The following IFT81 variants were observed in gnomAD, a reference collection of about 807,000 sequenced individuals.
IFT81 encodes the protein intraflagellar transport 81.
A neutral mutation model predicts 102.6 loss-of-function variants in IFT81; 72 were observed. That is an observed-to-expected ratio of 0.70 (90% CI 0.58 to 0.85). The LOEUF (loss-of-function observed/expected upper bound fraction) is 0.85. IFT81 is among the 40% of genes least tolerant of loss of function. The pLI is 0.00. For missense variants in IFT81, 723 were observed against 787.3 expected (o/e 0.92, Z 0.98); for synonymous variants, 237 against 242.7 (o/e 0.98, Z 0.22).
At chr12:110,143,976 A>G (rs898223298) in intron 9 of IFT81, among the ~76,000 whole-genome samples, 8 of 149,040 alleles carry the variant, frequency 5.4e-5, no homozygotes, top group African/African-American at 1.7e-4. Flanking sequence ...AAATATTGTA[A>G]TGCTTATTGA....
intron 12 of IFT81, among the ~76,000 whole-genome samples, chr12:110,190,284 A>C (rs1897731611): frequency 6.6e-6 from 1 of 151,736 alleles, no homozygotes; most frequent in Admixed American, 6.6e-5. Context: ...TTCTCACTGC[A>C]CCTCCTTACT....
At position 110,135,073 on chromosome 12, in the gene IFT81, T is replaced by A; in HGVS notation, c.585+60T>A. ...CAAGTCCCAAGGACTTGCAAAGATT[T>A]AGGAATGCAAATAAAGATTCAGCCA... On this transcript the variant is annotated intron_variant, in intron 6 of 18. Coordinates refer to ENST00000242591, the MANE Select transcript of IFT81 (RefSeq NM_014055.4). 3.2e-6 allele frequency: 4 copies of A among 1,251,920 alleles called. No homozygotes were observed. The South Asian group carries it at 5.2e-5, about 16-fold the overall frequency. 77.6% of individuals were successfully genotyped at this position (1,251,920 alleles called of 1,614,324 possible).
At chr12:110,179,724 TTATATATATATATATATATA>T (rs751481208) in intron 11 of IFT81, among the ~76,000 whole-genome samples, 1,113 of 48,684 alleles carry the variant, frequency 0.023, 58 homozygotes, top group African/African-American at 0.056. Context: ...TATCTCGAAA[TTATATATATATATATATATA>T]TATATATATA....
intron 8 of IFT81, 121 bp downstream of exon 8, chr12:110,136,981 C>G (rs1305350695): frequency 3.6e-6 from 2 of 560,954 alleles, no homozygotes; most frequent in Non-Finnish European, 6.2e-6. Flanking sequence ...CATTTTGGAA[C>G]ATCATTTCCT....
intron 18 of IFT81, among the ~76,000 whole-genome samples, chr12:110,217,559 T>G (rs1316209988): frequency 6.6e-6 from 1 of 152,056 alleles, no homozygotes. Context: ...GTTTGTTTGT[T>G]TTTGTTTTTT....
chr12:110,197,418 C>G (rs573298982), intron 14 of IFT81, among the ~76,000 whole-genome samples: 123 of 149,562 alleles, frequency 8.2e-4, no homozygotes, highest in African/African-American at 2.8e-3. Flanking sequence ...TTTTGTACAT[C>G]CTGTTATTTA....
chr12:110,188,645 C>G (rs1422545529), intron 12 of IFT81, among the ~76,000 whole-genome samples: 5 of 151,718 alleles, frequency 3.3e-5, no homozygotes, highest in Admixed American at 3.3e-4. Flanking sequence ...TTTTGTCAGG[C>G]TGGGCACGGT....
intron 9 of IFT81, among the ~76,000 whole-genome samples, chr12:110,145,276 G>A (rs1403796541): frequency 6.6e-6 from 1 of 151,374 alleles, no homozygotes; most frequent in African/African-American, 2.4e-5. Flanking sequence ...CAAGAGATCT[G>A]CCTGCCTCCG....
At chr12:110,132,363 C>G (rs987780062) in intron 4 of IFT81, among the ~76,000 whole-genome samples, 184 bp from the exon 5 acceptor site, 11 of 151,062 alleles carry the variant, frequency 7.3e-5, no homozygotes, top group Non-Finnish European at 1.5e-4. Flanking sequence ...AGGAGGCTGA[C>G]GCAGGAGAAT....
rs150782483 is a variant in IFT81, at chr12:110,140,158, G to A, written c.782-3224G>A. ...TGGGTTACATGTGCTGAATATGCAGGTTTGCTACATAAGTATACATGTGCC... is the reference window on the plus strand; with the variant it reads ...TGGGTTACATGTGCTGAATATGCAGATTTGCTACATAAGTATACATGTGCC... On this transcript the variant is annotated intron_variant, in intron 8 of 18. Transcript: ENST00000242591. Among the ~76,000 whole-genome samples, 966 of 152,046 alleles carry A rather than the reference G, an allele frequency of 6.4e-3. 4 individuals are homozygous for A. Among genetic ancestry groups the A allele is most frequent in the Middle Eastern group, 0.017 (5 of 294 alleles).
intron 14 of IFT81, among the ~76,000 whole-genome samples, chr12:110,193,471 T>C (rs1210455867): frequency 6.6e-6 from 1 of 152,148 alleles, no homozygotes; most frequent in African/African-American, 2.4e-5. Context: ...TTATGAGAAG[T>C]GATGAAATAC....
At chr12:110,206,738 A>G (rs1056042204) in intron 17 of IFT81, among the ~76,000 whole-genome samples, 1 of 151,800 alleles carries the variant, frequency 6.6e-6, no homozygotes, top group East Asian at 1.9e-4. Context: ...TTTTTTTTCA[A>G]TGTAATGCAC....
intron 4 of IFT81, among the ~76,000 whole-genome samples, chr12:110,129,342 GA>G (rs34929800): frequency 0.013 from 1,804 of 139,826 alleles, 14 homozygotes; most frequent in Middle Eastern, 0.019. Context: ...TATGTGAATA[GA>G]AAAAAAAAAA....
At chr12:110,184,988 T>C (rs557415791) in intron 12 of IFT81, among the ~76,000 whole-genome samples, 45 of 152,238 alleles carry the variant, frequency 3.0e-4, no homozygotes, top group African/African-American at 1.1e-3. Flanking sequence ...ACAATCCCCA[T>C]CCACCTGTAT....
chr12:110,172,939 A>AGGGG (rs1896821279), intron 11 of IFT81, among the ~76,000 whole-genome samples: 1 of 138,704 alleles, frequency 7.2e-6, no homozygotes, highest in African/African-American at 2.7e-5. Flanking sequence ...TCCGGGAGGG[A>AGGGG]GGTGGGGGTC....
In IFT81 at chr12:110,130,455, C is replaced by T. The variant is rs1227052723; in HGVS notation, c.429+1325C>T. On this transcript the variant is annotated intron_variant, in intron 4 of 18. Transcript: ENST00000242591. ...TGCAATCTCGGCTCACTGCAACCTC[C>T]GCCTCCTGGGTTCAAGTGATTCTCC... Among the ~76,000 whole-genome samples, 4 of 151,526 alleles carry T rather than the reference C, an allele frequency of 2.6e-5. No homozygotes were observed. In the South Asian group the frequency reaches 6.3e-4, roughly 24 times the overall value.
chr12:110,216,233 C>T (rs1006963378), intron 18 of IFT81, among the ~76,000 whole-genome samples: 4 of 152,080 alleles, frequency 2.6e-5, no homozygotes, highest in Admixed American at 6.6e-5. Flanking sequence ...CTCTGTTGCC[C>T]AGGCTGGAGT....
rs924509841 is a variant in IFT81 at position 110,206,621 on chromosome 12, G to C, written c.1802+941G>C. ...ACCCGGGGAGCAGGGGCTGCAGTAA[G>C]CCGAAATCATGCCACTGCGTTCCAG... On this transcript the variant is annotated intron_variant, in intron 17 of 18. Coordinates refer to ENST00000242591, the MANE Select transcript of IFT81 (RefSeq NM_014055.4). Among the ~76,000 whole-genome samples, 4 of 150,226 alleles carry C rather than the reference G, an allele frequency of 2.7e-5. 1 individual carries two copies. Among genetic ancestry groups the C allele is most frequent in the Admixed American group, 2.7e-4 (4 of 15,032 alleles).
intron 7 of IFT81, 42 bp downstream of exon 7, chr12:110,135,479 G>A (rs1237072430): frequency 1.8e-6 from 2 of 1,133,358 alleles, no homozygotes; most frequent in Non-Finnish European, 2.6e-6. Context: ...GAAGGAAATA[G>A]TTCCTTCTCA....
Sources: allele counts gnomAD v4.1 joint callset (sites outside exome capture counted in the v4.1 genomes callset), GRCh38; gene constraint gnomAD v4.1.1; transcripts MANE v1.5; gene names NCBI Gene and HGNC (gene_info 2026-07-23, HGNC 2026-07-21).